The following MAGI2 variants were observed in gnomAD, a reference collection of about 807,000 sequenced individuals.
The protein encoded by MAGI2 is membrane associated guanylate kinase, WW and PDZ domain containing 2, also known as membrane-associated guanylate kinase, WW and PDZ domain-containing protein 2.
A neutral mutation model predicts 133.3 loss-of-function variants in MAGI2; 35 were observed. That is an observed-to-expected ratio of 0.26 (90% confidence interval 0.20 to 0.35). The LOEUF (loss-of-function observed/expected upper bound fraction) is 0.35, where lower values mean the gene tolerates loss of function less well. MAGI2 is among the 10% of genes least tolerant of loss of function. The probability of loss-of-function intolerance (pLI) is 1.00; values close to 1 mark genes in which losing one functional copy is unlikely to be tolerated. For synonymous variants in MAGI2, 729 were observed against 710.6 expected (o/e 1.03, Z -0.41); for missense variants, 1,636 against 1,863.4 (o/e 0.88, Z 2.25).
In MAGI2 at chr7:78,933,809, G is replaced by C. The variant is rs187843197; in HGVS notation, c.418+73281C>G. On this transcript the variant is annotated intron_variant, in intron 2 of 21. Transcript: ENST00000354212. ...AGTTTATAAGATTGAAGAGAGACTC[G>C]TAAGACAAAAAATATTGTTAATGAG... Among the ~76,000 whole-genome samples the C allele has an allele frequency of 2.8e-3, 426 of 152,136 alleles. 1 individual carries two copies. The South Asian group carries it at 0.035, about 12-fold the overall frequency.
chr7:78,164,967 G>A (rs940829995), intron 15 of MAGI2, among the ~76,000 whole-genome samples: 2 of 152,176 alleles, frequency 1.3e-5, no homozygotes, highest in African/African-American at 4.8e-5. Flanking sequence ...TACTGGAGCT[G>A]GAGGCATGGA....
chr7:78,570,458 T>C (rs921155200), intron 3 of MAGI2, among the ~76,000 whole-genome samples: 13 of 152,124 alleles, frequency 8.5e-5, no homozygotes, highest in Non-Finnish European at 7.4e-5. Context: ...GTAAGTTTCA[T>C]GGCCAAATAA....
chr7:79,296,348 A>G (rs1338254730), intron 1 of MAGI2, among the ~76,000 whole-genome samples: 1 of 152,240 alleles, frequency 6.6e-6, no homozygotes, highest in Admixed American at 6.5e-5. Context: ...TATCTGAAAG[A>G]AATGAAATCA....
At chr7:78,967,276 C>T (rs1241065151) in intron 2 of MAGI2, among the ~76,000 whole-genome samples, 1 of 151,888 alleles carries the variant, frequency 6.6e-6, no homozygotes, top group African/African-American at 2.4e-5. Context: ...CTGTTCAAGT[C>T]CTTTGCCCTT....
intron 1 of MAGI2, among the ~76,000 whole-genome samples, chr7:79,400,378 T>A (rs930702905): frequency 2.0e-4 from 30 of 152,218 alleles, no homozygotes; most frequent in Admixed American, 2.0e-4. Flanking sequence ...GTAATCATTC[T>A]ATTTTTTTAT....
chr7:78,206,842 C>CT (rs944349463), intron 10 of MAGI2, among the ~76,000 whole-genome samples: 13 of 151,962 alleles, frequency 8.6e-5, no homozygotes, highest in African/African-American at 1.5e-4. Flanking sequence ...TTCTAGTTCT[C>CT]TTTTTTTTAA....
At chr7:78,528,013 G>T (rs374633939) in intron 3 of MAGI2, among the ~76,000 whole-genome samples, 24 of 151,884 alleles carry the variant, frequency 1.6e-4, no homozygotes, top group African/African-American at 5.8e-4. Flanking sequence ...TTGGTAAATG[G>T]AAAGAATGAA....
At position 78,051,884 on chromosome 7, in the gene MAGI2, C is replaced by CTT. The variant is rs59919639; in HGVS notation, c.3706+27061_3706+27062dup. Among the ~76,000 whole-genome samples, 1,146 of 125,782 alleles carry CTT rather than the reference C, an allele frequency of 9.1e-3. 31 individuals carry two copies. Among genetic ancestry groups the CTT allele is most frequent in the African/African-American group, 0.034 (1,048 of 30,898 alleles). 82.5% of individuals were successfully genotyped at this position (125,782 alleles called of 152,430 possible). On this transcript the variant is annotated intron_variant, in intron 21 of 21. Transcript: ENST00000354212. Reference sequence around the variant, plus strand: ...GCAGGTGTGAGCCACCATACCCAGCCTTTTTTTTTTTTTTTTTAAGACAAG... The same window carrying CTT: ...GCAGGTGTGAGCCACCATACCCAGCCTTTTTTTTTTTTTTTTTTTAAGACAAG...
At chr7:78,788,899 A>T (rs1293454302) in intron 2 of MAGI2, among the ~76,000 whole-genome samples, 1 of 152,084 alleles carries the variant, frequency 6.6e-6, no homozygotes, top group African/African-American at 2.4e-5. Context: ...CCTGGAGACC[A>T]TGTAAGGTGT....
At position 78,550,082 on chromosome 7, in the gene MAGI2, C is replaced by A. The variant is rs140276189; in HGVS notation, c.539-28437G>T. Among the ~76,000 whole-genome samples the A allele has an allele frequency of 1.6e-3, 250 of 152,222 alleles. 1 individual carries two copies. The highest frequency in any genetic ancestry group is 2.0e-3 in the Non-Finnish European group (134 of 68,016). ...TCATGTGTGGACACATAGAAAGCAC[C>A]GTCTACAAACCAAAAAGCAGACCCT... On this transcript the variant is annotated intron_variant, in intron 3 of 21. Coordinates refer to ENST00000354212, the MANE Select transcript of MAGI2 (RefSeq NM_012301.4).
intron 20 of MAGI2, among the ~76,000 whole-genome samples, chr7:78,083,383 GGGGGGAGAGA>G (rs1563098719): frequency 1.3e-4 from 10 of 76,418 alleles, no homozygotes; most frequent in African/African-American, 2.3e-4. Flanking sequence ...AGGGAGGGAG[GGGGGGAGAGA>G]GAGAGAGAGA....
intron 1 of MAGI2, among the ~76,000 whole-genome samples, chr7:79,330,616 T>C (rs145794972): frequency 1.5e-4 from 23 of 152,230 alleles, no homozygotes; most frequent in Non-Finnish European, 3.4e-4. Context: ...TAGTTACATG[T>C]ATGGGTCTTG....
At chr7:78,997,493 T>C (rs543254142) in intron 2 of MAGI2, among the ~76,000 whole-genome samples, 2 of 151,934 alleles carry the variant, frequency 1.3e-5, no homozygotes, top group East Asian at 1.9e-4. Flanking sequence ...TCCTAACTAC[T>C]TGGGAGGCTG....
chr7:78,753,571 A>G (rs1238120316), intron 2 of MAGI2, among the ~76,000 whole-genome samples: 1 of 152,172 alleles, frequency 6.6e-6, no homozygotes, highest in African/African-American at 2.4e-5. Flanking sequence ...AAATTTCCTG[A>G]ATTTGTTAAG....
intron 1 of MAGI2, among the ~76,000 whole-genome samples, chr7:79,073,376 T>A (rs1815172734): frequency 1.3e-5 from 2 of 152,174 alleles, no homozygotes; most frequent in Non-Finnish European, 2.9e-5. Flanking sequence ...TGACCATACG[T>A]TCTGTTTTTT....
rs148027231 is a variant in MAGI2, at chr7:78,132,034, C to T, written c.3203+855G>A. Among the ~76,000 whole-genome samples, 101 of 152,196 alleles carry T rather than the reference C, an allele frequency of 6.6e-4. 1 individual carries two copies. In the East Asian group the frequency reaches 0.018, roughly 27 times the overall value. On this transcript the variant is annotated intron_variant, in intron 18 of 21. Coordinates refer to ENST00000354212, the MANE Select transcript of MAGI2 (RefSeq NM_012301.4). Reference sequence around the variant, plus strand: ...GGACTACAGGCGTGTACCACCACAACCGGCTAACTTTTGTGTTTTTTGTAG... The same window carrying T: ...GGACTACAGGCGTGTACCACCACAATCGGCTAACTTTTGTGTTTTTTGTAG...
intron 2 of MAGI2, among the ~76,000 whole-genome samples, chr7:78,688,874 T>C (rs1352794528): frequency 6.6e-6 from 1 of 152,198 alleles, no homozygotes; most frequent in African/African-American, 2.4e-5. Context: ...AATAATTATA[T>C]CAATAATTTA....
At chr7:78,394,972 T>G (rs1293858862) in intron 6 of MAGI2, among the ~76,000 whole-genome samples, 1 of 152,204 alleles carries the variant, frequency 6.6e-6, no homozygotes, top group African/African-American at 2.4e-5. Context: ...TCTATTAACC[T>G]GAACTGGATC....
intron 2 of MAGI2, among the ~76,000 whole-genome samples, chr7:78,731,403 G>C (rs1037373234): frequency 4.6e-5 from 7 of 152,018 alleles, no homozygotes; most frequent in African/African-American, 1.7e-4. Context: ...ATTTTGAATA[G>C]GCAAGAAAGC....
Sources: gnomAD v4.1 joint callset for allele counts (sites outside exome capture counted in the v4.1 genomes callset) on GRCh38, gnomAD v4.1.1 for gene constraint, MANE v1.5 for transcripts, NCBI Gene and HGNC (gene_info 2026-07-23, HGNC 2026-07-21) for gene names.